Variants in PATJ observed in about 807,000 individuals in gnomAD.
PATJ encodes the protein inaD-like protein.
Under a neutral mutation model 224.9 loss-of-function variants are expected in PATJ, and 190 were observed. The ratio of observed to expected loss-of-function variants is 0.84; its 90% CI spans 0.75 to 0.95. The LOEUF (loss-of-function observed/expected upper bound fraction) is 0.95. PATJ is among the 40% of genes least tolerant of loss of function. PATJ has a pLI of 0.00. For missense variants in PATJ, 2,121 were observed against 2,270.3 expected (o/e 0.93, Z 1.34); for synonymous variants, 769 against 820.3 (o/e 0.94, Z 1.07).
intron 39 of PATJ, among the ~76,000 whole-genome samples, chr1:62,127,562 C>T (rs1340209031): frequency 1.3e-5 from 2 of 151,998 alleles, no homozygotes; most frequent in Non-Finnish European, 2.9e-5. Context: ...TCCCAGCACT[C>T]TGAGAGGCCA....
intron 27 of PATJ, among the ~76,000 whole-genome samples, chr1:61,987,996 T>C (rs1298460226): frequency 6.6e-6 from 1 of 152,120 alleles, no homozygotes; most frequent in Non-Finnish European, 1.5e-5. Flanking sequence ...ATCAGGAGTT[T>C]GAGACCAGCC....
chr1:62,147,192 G>T (rs1668122851), intron 41 of PATJ, among the ~76,000 whole-genome samples: 1 of 152,138 alleles, frequency 6.6e-6, no homozygotes, highest in Non-Finnish European at 1.5e-5. Flanking sequence ...GGATGGGATG[G>T]AATGGGAGAC....
intron 21 of PATJ, 23 bp downstream of exon 21, chr1:61,875,389 A>G (rs779631920): frequency 1.3e-6 from 2 of 1,582,258 alleles, no homozygotes; most frequent in Non-Finnish European, 1.7e-6. Flanking sequence ...TGTTTCTCAT[A>G]AACACAAATT....
At chr1:61,841,278 C>T (rs1184973313) in intron 17 of PATJ, among the ~76,000 whole-genome samples, 2 of 151,768 alleles carry the variant, frequency 1.3e-5, no homozygotes, top group Non-Finnish European at 2.9e-5. Context: ...TAATTTTTAC[C>T]AAGAGATTTG....
At chr1:61,857,595 C>T (rs1436516326) in intron 18 of PATJ, among the ~76,000 whole-genome samples, 1 of 152,232 alleles carries the variant, frequency 6.6e-6, no homozygotes, top group Non-Finnish European at 1.5e-5. Context: ...AACCTGGGCT[C>T]TGCCCCCTGG....
intron 17 of PATJ, among the ~76,000 whole-genome samples, chr1:61,838,083 A>C (rs1660470348): frequency 6.6e-6 from 1 of 152,208 alleles, no homozygotes; most frequent in African/African-American, 2.4e-5. Context: ...CAGGGAAGAC[A>C]ATAAATGTGA....
chr1:62,081,117 T>C (rs973697610), intron 32 of PATJ, among the ~76,000 whole-genome samples: 1 of 152,160 alleles, frequency 6.6e-6, no homozygotes, highest in African/African-American at 2.4e-5. Context: ...TAATGCCCTA[T>C]TAAAATATGT....
chr1:61,874,970 T>A (rs1400816330), intron 20 of PATJ, among the ~76,000 whole-genome samples: 1 of 152,230 alleles, frequency 6.6e-6, no homozygotes, highest in Non-Finnish European at 1.5e-5. Context: ...TCTACCTTGG[T>A]AAATGTTTAT....
At chr1:62,093,039 A>C (rs902430460) in intron 33 of PATJ, among the ~76,000 whole-genome samples, 4 of 152,176 alleles carry the variant, frequency 2.6e-5, no homozygotes, top group Non-Finnish European at 5.9e-5. Flanking sequence ...CACTGTGCCC[A>C]GCCGAGAGTT....
At chr1:61,856,578 A>G (rs1189929649) in intron 18 of PATJ, among the ~76,000 whole-genome samples, 6 of 152,024 alleles carry the variant, frequency 3.9e-5, no homozygotes, top group Non-Finnish European at 7.4e-5. Flanking sequence ...CACATTTCTT[A>G]TGTGTAAATT....
intron 27 of PATJ, among the ~76,000 whole-genome samples, chr1:61,973,159 T>A (rs1338555758): frequency 6.6e-6 from 1 of 152,014 alleles, no homozygotes; most frequent in East Asian, 1.9e-4. Context: ...TGACATATTA[T>A]GCTGTACCCA....
intron 43 of PATJ, among the ~76,000 whole-genome samples, chr1:62,160,274 G>C (rs1361576918): frequency 6.6e-6 from 1 of 152,102 alleles, no homozygotes; most frequent in Non-Finnish European, 1.5e-5. Flanking sequence ...ATGCATGACT[G>C]AGTATATAAT....
At chr1:62,085,638 A>G (rs939255676) in intron 33 of PATJ, among the ~76,000 whole-genome samples, 2 of 151,880 alleles carry the variant, frequency 1.3e-5, no homozygotes, top group Non-Finnish European at 2.9e-5. Context: ...ACATAGCAAG[A>G]CCTCATCTCT....
intron 1 of PATJ, among the ~76,000 whole-genome samples, chr1:61,751,758 G>A (rs1240509656): frequency 6.6e-6 from 1 of 151,966 alleles, no homozygotes; most frequent in African/African-American, 2.4e-5. Flanking sequence ...CCCTGGAGGT[G>A]GAGGTTGCAG....
intron 10 of PATJ, 59 bp downstream of exon 10, chr1:61,795,617 TTA>T: frequency 9.9e-7 from 1 of 1,007,570 alleles, no homozygotes; most frequent in African/African-American, 1.6e-5. Flanking sequence ...TTGATCATTA[TTA>T]TAATACATGT....
At chr1:61,901,493 A>G (rs771556083) in intron 24 of PATJ, 34 bp downstream of exon 24, 2 of 1,425,224 alleles carry the variant, frequency 1.4e-6, no homozygotes, top group Non-Finnish European at 1.9e-6. Flanking sequence ...TTTATTGGAA[A>G]CATACGGTAA....
At chr1:62,115,794 A>G (rs1664392486) in intron 35 of PATJ, among the ~76,000 whole-genome samples, 3 of 151,756 alleles carry the variant, frequency 2.0e-5, no homozygotes, top group Admixed American at 2.0e-4. Flanking sequence ...CAGCAGGCCA[A>G]GCTGTTATTA....
At chr1:62,114,494 G>A (rs1217263705) in intron 35 of PATJ, 3 of 352,518 alleles carry the variant, frequency 8.5e-6, no homozygotes, top group African/African-American at 6.4e-5. Context: ...AGAACAACTA[G>A]CAAGGTTCTT....
At chr1:62,155,224 T>C (rs1669061789) in intron 43 of PATJ, among the ~76,000 whole-genome samples, 2 of 152,184 alleles carry the variant, frequency 1.3e-5, no homozygotes, top group Non-Finnish European at 2.9e-5. Flanking sequence ...TCCTCCAGAA[T>C]GTTTGCAGTC....
Sources: gnomAD v4.1 joint callset for allele counts (sites outside exome capture counted in the v4.1 genomes callset) on GRCh38, gnomAD v4.1.1 for gene constraint, MANE v1.5 for transcripts, NCBI Gene and HGNC (gene_info 2026-07-23, HGNC 2026-07-21) for gene names.